CELSR1: variants seen among roughly 807,000 people sequenced by gnomAD.
CELSR1 encodes cadherin EGF LAG seven-pass G-type receptor 1.
Under a neutral mutation model 249.1 loss-of-function variants are expected in CELSR1, and 110 were observed. The ratio of observed to expected loss-of-function variants is 0.44; its 90% CI spans 0.38 to 0.52. The LOEUF (loss-of-function observed/expected upper bound fraction) is 0.52. Ranked by LOEUF, CELSR1 falls within the 20% of genes least tolerant of loss-of-function variation. CELSR1 has a pLI of 0.00. For synonymous variants in CELSR1, 2,113 were observed against 1,900.0 expected (o/e 1.11, Z -2.92); for missense variants, 4,109 against 4,296.4 (o/e 0.96, Z 1.22).
At chr22:46,451,595 A>C (rs1381359444) in intron 2 of CELSR1, among the ~76,000 whole-genome samples, 1 of 152,120 alleles carries the variant, frequency 6.6e-6, no homozygotes, top group Non-Finnish European at 1.5e-5. Flanking sequence ...ATGCGGGCCC[A>C]GGTGACCCCA....
chr22:46,462,171 C>T (rs1470052471), intron 2 of CELSR1, among the ~76,000 whole-genome samples: 3 of 152,232 alleles, frequency 2.0e-5, no homozygotes, highest in Non-Finnish European at 2.9e-5. Context: ...GATTAGCATT[C>T]AGTGAGAGAC....
At chr22:46,379,174 ATC>A (rs2078951035) in intron 22 of CELSR1, among the ~76,000 whole-genome samples, 1 of 152,186 alleles carries the variant, frequency 6.6e-6, no homozygotes, top group Admixed American at 6.5e-5. Context: ...CAGAAAGGAC[ATC>A]TCACCTTCCT....
At chr22:46,377,553 T>C (rs1032982478) in intron 23 of CELSR1, 8 of 453,720 alleles carry the variant, frequency 1.8e-5, no homozygotes, top group African/African-American at 1.6e-4. Context: ...GCCCAGGCCA[T>C]GGGAGCCTCG....
intron 1 of CELSR1, among the ~76,000 whole-genome samples, chr22:46,509,349 C>A (rs910315390): frequency 9.2e-5 from 14 of 152,164 alleles, no homozygotes; most frequent in African/African-American, 3.4e-4. Flanking sequence ...GTGATGGGTA[C>A]CCCAAACCAC....
At chr22:46,372,644 C>G (rs1036281844) in intron 25 of CELSR1, among the ~76,000 whole-genome samples, 3 of 152,038 alleles carry the variant, frequency 2.0e-5, no homozygotes, top group African/African-American at 7.3e-5. Flanking sequence ...GCAGAAATAA[C>G]CCTGAACAGA....
At chr22:46,422,722 A>C (rs1027911556) in intron 5 of CELSR1, among the ~76,000 whole-genome samples, 1 of 149,850 alleles carries the variant, frequency 6.7e-6, no homozygotes, top group East Asian at 1.9e-4. Context: ...AGCTGAGATC[A>C]CGCCACTGCA....
rs192817832 is a variant in CELSR1 at position 46,363,851 on chromosome 22, C to A, written c.9035+145G>T. ...TGACCTCAGCTGCAGCGCCTCCCCC[C>A]TCCCCCATCCCCGCCTGGGCTTCCT... On this transcript the variant is annotated intron_variant, in intron 34 of 34. Transcript: ENST00000674500. The surrounding 1 kb of genome is among the most constrained non-coding windows in gnomAD (Gnocchi z 4.3). 1,958 of 1,143,010 alleles carry A rather than the reference C, an allele frequency of 1.7e-3. 4 individuals carry two copies. Among genetic ancestry groups the A allele is most frequent in the South Asian group, 4.4e-3 (259 of 58,420 alleles). 70.8% of individuals were successfully genotyped at this position (1,143,010 alleles called of 1,614,324 possible).
rs1414850039 is a variant in CELSR1, at chr22:46,445,898, C to T, written c.4184-6487G>A. ...CAGCCAGGGAGAGGTGGAGTCCTCA[C>T]TGCAACCCCTCCTGCCTCCAGCAGC... On this transcript the variant is annotated intron_variant, in intron 2 of 34. Transcript: ENST00000674500. The surrounding 1 kb of genome is among the most constrained non-coding windows in gnomAD (Gnocchi z 4.4). Among the ~76,000 whole-genome samples the T allele has an allele frequency of 6.6e-6, 1 of 152,182 alleles. No individual in the cohort carries two copies. Among genetic ancestry groups the T allele is most frequent in the African/African-American group, 2.4e-5 (1 of 41,452 alleles).
At chr22:46,382,676 C>CA (rs2078991654) in intron 20 of CELSR1, among the ~76,000 whole-genome samples, 2 of 152,196 alleles carry the variant, frequency 1.3e-5, no homozygotes, top group Non-Finnish European at 2.9e-5. Context: ...AGTGGATAAG[C>CA]AACACGCGCT....
intron 1 of CELSR1, among the ~76,000 whole-genome samples, chr22:46,497,846 C>T (rs753149851): frequency 2.0e-5 from 3 of 152,068 alleles, no homozygotes; most frequent in Non-Finnish European, 4.4e-5. Context: ...TGAGCTCACA[C>T]AGAAGAGAGT....
At chr22:46,493,523 G>A (rs1460752148) in intron 1 of CELSR1, among the ~76,000 whole-genome samples, 1 of 149,618 alleles carries the variant, frequency 6.7e-6, no homozygotes, top group Non-Finnish European at 1.5e-5. Context: ...TCCAGCCTGG[G>A]TGACAGAACG....
chr22:46,457,201 C>T (rs1328507398), intron 2 of CELSR1, among the ~76,000 whole-genome samples: 1 of 152,078 alleles, frequency 6.6e-6, no homozygotes, highest in Non-Finnish European at 1.5e-5. Context: ...AAAAATTAAC[C>T]AAGAGTGGTG....
chr22:46,455,225 G>C (rs1292860916), intron 2 of CELSR1, among the ~76,000 whole-genome samples: 1 of 152,118 alleles, frequency 6.6e-6, no homozygotes, highest in East Asian at 1.9e-4. Context: ...TAAGACAAGA[G>C]ACTTTTTTCT....
chr22:46,377,424 A>G, intron 23 of CELSR1, 163 bp from the exon 24 acceptor site: 1 of 743,540 alleles, frequency 1.3e-6, no homozygotes. Context: ...TGGGCCTGGA[A>G]CTGCCCCTCC....
chr22:46,388,475 C>G (rs1163604108), intron 18 of CELSR1, among the ~76,000 whole-genome samples: 4 of 152,104 alleles, frequency 2.6e-5, no homozygotes, highest in Admixed American at 6.5e-5. Flanking sequence ...GGGACCCTGC[C>G]TGGTCTCTGG....
At position 46,518,334 on chromosome 22, in the gene CELSR1, G is replaced by T. The variant is rs2080649690; in HGVS notation, c.3544+15293C>A. Among the ~76,000 whole-genome samples, 1 of 152,232 alleles carries T rather than the reference G, an allele frequency of 6.6e-6. No homozygotes were observed. The highest frequency in any genetic ancestry group is 1.5e-5 in the Non-Finnish European group (1 of 68,046). ...GGGGCACCATCAGCAGGGGCGCTCA[G>T]CCCGTGCCACACTCAGTCTCGTTAG... On this transcript the variant is annotated intron_variant, in intron 1 of 34. Transcript: ENST00000674500. This position sits in a 1 kb window ranked among gnomAD's most constrained non-coding sequence, Gnocchi z 5.2.
At position 46,488,575 on chromosome 22, in the gene CELSR1, C is replaced by G. The variant is rs1234081297; in HGVS notation, c.3545-24230G>C. 6.6e-6 allele frequency among the ~76,000 whole-genome samples: 1 copy of G among 152,146 alleles called. No individual in the cohort carries two copies. The highest frequency in any genetic ancestry group is 1.5e-5 in the Non-Finnish European group (1 of 68,012). Reference sequence around the variant, plus strand: ...GCCTAGCTGAGGGACACAAAAAGAACAAACGCACCCCCCGCGCCACAGTGG... The same window carrying G: ...GCCTAGCTGAGGGACACAAAAAGAAGAAACGCACCCCCCGCGCCACAGTGG... On this transcript the variant is annotated intron_variant, in intron 1 of 34. Coordinates refer to ENST00000674500, the MANE Select transcript of CELSR1 (RefSeq NM_001378328.1). This position sits in a 1 kb window ranked among gnomAD's most constrained non-coding sequence, Gnocchi z 4.7.
In CELSR1 at chr22:46,473,184, C is replaced by T. The variant is rs1018790549; in HGVS notation, c.3545-8839G>A. On this transcript the variant is annotated intron_variant, in intron 1 of 34. Coordinates refer to ENST00000674500, the MANE Select transcript of CELSR1 (RefSeq NM_001378328.1). The surrounding 1 kb of genome is among the most constrained non-coding windows in gnomAD (Gnocchi z 6.6). ...AGGGGTGGACAGGACCCACGCACCA[C>T]GAGGAACCATCGCTGGCCCTTGACA... 1.4e-4 allele frequency among the ~76,000 whole-genome samples: 21 copies of T among 152,184 alleles called. No individual in the cohort carries two copies. Among genetic ancestry groups the T allele is most frequent in the Non-Finnish European group, 2.2e-4 (15 of 68,014 alleles).
intron 24 of CELSR1, among the ~76,000 whole-genome samples, chr22:46,375,131 G>A (rs2078904939): frequency 6.6e-6 from 1 of 152,172 alleles, no homozygotes; most frequent in Non-Finnish European, 1.5e-5. Flanking sequence ...AGCAGCTCAG[G>A]TCTGCACGTG....
Sources: gnomAD v4.1 joint callset for allele counts (sites outside exome capture counted in the v4.1 genomes callset) on GRCh38, gnomAD v4.1.1 for gene constraint, Gnocchi (gnomAD v3.1) non-coding constraint, MANE v1.5 for transcripts, NCBI Gene and HGNC (gene_info 2026-07-23, HGNC 2026-07-21) for gene names.